WDR27: variants seen among roughly 807,000 people sequenced by gnomAD.
The protein encoded by WDR27 is WD repeat-containing protein 27.
In WDR27, 100 loss-of-function variants were observed where a neutral mutation model predicts 114.4. That is an observed-to-expected ratio of 0.87 (90% confidence interval 0.74 to 1.03). The LOEUF is 1.03. WDR27 is among the 50% of genes least tolerant of loss of function. The probability of loss-of-function intolerance (pLI) is 0.00; values close to 1 mark genes in which losing one functional copy is unlikely to be tolerated. For synonymous variants in WDR27, 449 were observed against 423.1 expected (o/e 1.06, Z -0.75); for missense variants, 1,129 against 1,092.9 (o/e 1.03, Z -0.47).
At chr6:169,574,235 A>C (rs983568115) in intron 24 of WDR27, among the ~76,000 whole-genome samples, 19 of 152,266 alleles carry the variant, frequency 1.2e-4, no homozygotes, top group African/African-American at 4.6e-4. Flanking sequence ...GGGTCCTCTT[A>C]GCCACAGGCA....
intron 25 of WDR27, among the ~76,000 whole-genome samples, chr6:169,465,395 A>G (rs984734245): frequency 2.6e-5 from 4 of 152,156 alleles, no homozygotes; most frequent in Non-Finnish European, 5.9e-5. Flanking sequence ...AACAAAATAA[A>G]AAGTGTCAGT....
chr6:169,502,127 G>A (rs1441634824), intron 25 of WDR27, among the ~76,000 whole-genome samples: 1 of 152,210 alleles, frequency 6.6e-6, no homozygotes, highest in Non-Finnish European at 1.5e-5. Context: ...CATTAATGAG[G>A]GAGTAGATCT....
chr6:169,483,444 C>T (rs1365982846), intron 25 of WDR27, among the ~76,000 whole-genome samples: 1 of 152,108 alleles, frequency 6.6e-6, no homozygotes, highest in African/African-American at 2.4e-5. Context: ...AATCCCTGGG[C>T]ACATACATCC....
the WDR27 span, among the ~76,000 whole-genome samples, chr6:169,438,142 G>T: frequency 2.6e-5 from 4 of 151,794 alleles, no homozygotes; most frequent in African/African-American, 9.7e-5. Flanking sequence ...TCAATGTTTA[G>T]CTCCCACTTA....
intron 25 of WDR27, among the ~76,000 whole-genome samples, chr6:169,522,460 C>T (rs1794493936): frequency 1.3e-5 from 2 of 152,000 alleles, no homozygotes. Flanking sequence ...ACACCCTTGA[C>T]CAAATAGGCC....
chr6:169,556,152 G>A (rs190341867), intron 25 of WDR27, among the ~76,000 whole-genome samples: 1 of 152,264 alleles, frequency 6.6e-6, no homozygotes. Context: ...GTTGTGCTGG[G>A]CTCCTACCTG....
intron 25 of WDR27, among the ~76,000 whole-genome samples, chr6:169,571,387 C>T (rs1380879804): frequency 2.0e-5 from 3 of 152,140 alleles, no homozygotes; most frequent in Admixed American, 6.6e-5. Flanking sequence ...TTCTGATAAC[C>T]CCACTCTCAT....
intron 25 of WDR27, among the ~76,000 whole-genome samples, chr6:169,543,387 C>A (rs188827878): frequency 1.4e-4 from 21 of 152,140 alleles, no homozygotes; most frequent in Non-Finnish European, 2.6e-4. Context: ...GGTCTTAATA[C>A]CCCCTTCATA....
At chr6:169,586,587 G>A (rs377272385) in intron 23 of WDR27, among the ~76,000 whole-genome samples, 1 of 151,982 alleles carries the variant, frequency 6.6e-6, no homozygotes, top group Non-Finnish European at 1.5e-5. Flanking sequence ...GGCCGGGCAC[G>A]GTGGCTCACG....
intron 2 of WDR27, among the ~76,000 whole-genome samples, chr6:169,676,710 T>C (rs952115406): frequency 1.6e-4 from 24 of 152,220 alleles, no homozygotes; most frequent in Non-Finnish European, 1.6e-4. Context: ...TCTAGGTCTT[T>C]AGACAATAAC....
At chr6:169,436,119 T>C in the WDR27 span, among the ~76,000 whole-genome samples, 2 of 152,214 alleles carry the variant, frequency 1.3e-5, no homozygotes, top group Non-Finnish European at 2.9e-5. Flanking sequence ...AAAAGAGCTC[T>C]ATCGGGTTAA....
chr6:169,465,931 G>C (rs1785518346), intron 25 of WDR27, among the ~76,000 whole-genome samples: 1 of 152,180 alleles, frequency 6.6e-6, no homozygotes, highest in Non-Finnish European at 1.5e-5. Context: ...TAGAATTGTG[G>C]AGAGGGATAG....
At chr6:169,516,099 A>G (rs1017742136) in intron 25 of WDR27, among the ~76,000 whole-genome samples, 2 of 152,224 alleles carry the variant, frequency 1.3e-5, no homozygotes, top group East Asian at 1.9e-4. Flanking sequence ...CATAAAAGCA[A>G]TAAGAAAACT....
chr6:169,498,235 A>G lies in WDR27; in HGVS notation c.2646-40601T>C, dbSNP rs371913596. On this transcript the variant is annotated intron_variant, in intron 25 of 25. Transcript: ENST00000448612. Reference sequence around the variant, plus strand: ...AGAGACAGATTCAAATCTCTCATCTATTCAGAAACAGATCTGTATTCTATT... The same window carrying G: ...AGAGACAGATTCAAATCTCTCATCTGTTCAGAAACAGATCTGTATTCTATT... Among the ~76,000 whole-genome samples, 20 of 152,248 alleles carry G rather than the reference A, an allele frequency of 1.3e-4. No homozygotes were observed. The South Asian group carries it at 2.5e-3, about 19-fold the overall frequency.
chr6:169,444,444 G>A, the WDR27 span, among the ~76,000 whole-genome samples: 1 of 152,186 alleles, frequency 6.6e-6, no homozygotes. Flanking sequence ...TGTGAGATGG[G>A]TCTCTTTGGG....
chr6:169,594,791 G>C (rs930804137), intron 23 of WDR27, among the ~76,000 whole-genome samples: 2 of 152,022 alleles, frequency 1.3e-5, no homozygotes, highest in African/African-American at 4.8e-5. Flanking sequence ...GGATCACTTC[G>C]GATTAAAGCA....
chr6:169,433,705 CAACT>C, the WDR27 span, among the ~76,000 whole-genome samples: 1 of 152,200 alleles, frequency 6.6e-6, no homozygotes, highest in South Asian at 2.1e-4. Flanking sequence ...ACACTCCCAC[CAACT>C]GTGTAAAAGT....
At chr6:169,602,827 A>ATTCTTTTTTTTTT (rs1302589733) in intron 22 of WDR27, among the ~76,000 whole-genome samples, 1 of 151,550 alleles carries the variant, frequency 6.6e-6, no homozygotes, top group African/African-American at 2.4e-5. Flanking sequence ...TACAAAGATA[A>ATTCTTTTTTTTTT]TTCTTTTTTT....
At chr6:169,537,854 G>T (rs1796371756) in intron 25 of WDR27, among the ~76,000 whole-genome samples, 1 of 152,064 alleles carries the variant, frequency 6.6e-6, no homozygotes, top group African/African-American at 2.4e-5. Flanking sequence ...AAATAGAAGG[G>T]TTTGGGTTAT....
Sources: allele counts gnomAD v4.1 joint callset (sites outside exome capture counted in the v4.1 genomes callset), GRCh38; gene constraint gnomAD v4.1.1; transcripts MANE v1.5; gene names NCBI Gene and HGNC (gene_info 2026-07-23, HGNC 2026-07-21).